Variants in TRPM3 observed in about 807,000 individuals in gnomAD.
TRPM3 encodes transient receptor potential cation channel subfamily M member 3, also known as long transient receptor potential channel 3.
In TRPM3, 77 loss-of-function variants were observed where a neutral mutation model predicts 181.2. The ratio of observed to expected loss-of-function variants is 0.42; its 90% CI spans 0.35 to 0.51. The LOEUF is 0.51. Ranked by LOEUF, TRPM3 falls within the 20% of genes least tolerant of loss-of-function variation. The pLI is 0.01. For missense variants in TRPM3, 1,759 were observed against 2,196.7 expected (o/e 0.80, Z 3.98); for synonymous variants, 745 against 796.4 (o/e 0.94, Z 1.09).
chr9:71,334,559 C>T (rs2090428959), intron 1 of TRPM3, among the ~76,000 whole-genome samples: 1 of 147,712 alleles, frequency 6.8e-6, no homozygotes, highest in South Asian at 2.1e-4. Flanking sequence ...AACATTTCAT[C>T]TATCATTTCT....
chr9:70,697,506 T>C (rs1181716886), intron 8 of TRPM3, among the ~76,000 whole-genome samples: 1 of 152,204 alleles, frequency 6.6e-6, no homozygotes, highest in Admixed American at 6.5e-5. Context: ...ATTATGCCCA[T>C]TGCACAAGTC....
intron 22 of TRPM3, among the ~76,000 whole-genome samples, chr9:70,578,060 A>G (rs928010451): frequency 1.2e-4 from 18 of 152,224 alleles, no homozygotes; most frequent in African/African-American, 3.4e-4. Flanking sequence ...AAGCTAGCCC[A>G]TCAACTCAGG....
Position 70,639,113 on chromosome 9 carries a change from C to T in TRPM3, c.1528G>A (p.Val510Ile). 2 of 1,614,016 alleles carry T rather than the reference C, an allele frequency of 1.2e-6. No homozygotes were observed. The highest frequency in any genetic ancestry group is 1.7e-6 in the Non-Finnish European group (2 of 1,179,920). The change falls in exon 11 of 26, where the codon GTA becomes ATA. Residue 510 changes from valine (V) to isoleucine (I), a missense_variant. Physicochemically the swap from Val to Ile is conservative, Grantham distance 29. Around this residue, in one of 8 missense-constraint regions of TRPM3, gnomAD observed 737 missense variants for 957.4 expected, o/e 0.77. Transcript: ENST00000677713. ...ATGGTGAGAAAACGGTGCATGCTTA[C>T]TCCATTCTCTATGAGTAATTTCACA... The part of the protein sequence containing the change: ...DFVKLLIENG[V>I]SMHRFLTISR...
chr9:71,293,763 T>C (rs1280832878), intron 1 of TRPM3, among the ~76,000 whole-genome samples: 1 of 151,966 alleles, frequency 6.6e-6, no homozygotes, highest in Non-Finnish European at 1.5e-5. Flanking sequence ...TAAGGATATC[T>C]TGAAAATATA....
chr9:70,830,191 T>A (rs2093805611), intron 5 of TRPM3, among the ~76,000 whole-genome samples: 1 of 152,224 alleles, frequency 6.6e-6, no homozygotes, highest in Admixed American at 6.5e-5. Context: ...CCATGTTTTT[T>A]AATTCCTATG....
intron 1 of TRPM3, among the ~76,000 whole-genome samples, chr9:71,283,735 C>T (rs540838553): frequency 6.6e-6 from 1 of 152,342 alleles, no homozygotes; most frequent in Admixed American, 6.5e-5. Flanking sequence ...AATATTTCTT[C>T]AAGATTCTGC....
At chr9:71,371,726 T>C (rs2092520035) in intron 1 of TRPM3, among the ~76,000 whole-genome samples, 1 of 152,216 alleles carries the variant, frequency 6.6e-6, no homozygotes. Flanking sequence ...TTGACTGATT[T>C]TGAAAGTTCT....
intron 1 of TRPM3, among the ~76,000 whole-genome samples, chr9:71,046,335 G>A (rs781564067): frequency 5.9e-5 from 9 of 152,114 alleles, no homozygotes; most frequent in Non-Finnish European, 1.2e-4. Flanking sequence ...AGCATTCTGT[G>A]AGAATAACAT....
intron 6 of TRPM3, among the ~76,000 whole-genome samples, chr9:70,819,537 T>C (rs1183171175): frequency 6.6e-6 from 1 of 152,160 alleles, no homozygotes; most frequent in Non-Finnish European, 1.5e-5. Context: ...TGTCAGATAT[T>C]ACTATAGGGT....
chr9:70,690,337 T>C (rs2068147982), intron 8 of TRPM3, among the ~76,000 whole-genome samples: 1 of 152,172 alleles, frequency 6.6e-6, no homozygotes, highest in Non-Finnish European at 1.5e-5. Flanking sequence ...ACAGTCTGCC[T>C]ATAATCATGT....
intron 8 of TRPM3, among the ~76,000 whole-genome samples, chr9:70,698,053 C>CA (rs1233636617): frequency 6.6e-6 from 1 of 151,890 alleles, no homozygotes; most frequent in African/African-American, 2.4e-5. Context: ...ACTAAAAATA[C>CA]AAAAATTAGC....
chr9:71,145,563 T>G (rs898042351), intron 1 of TRPM3, among the ~76,000 whole-genome samples: 1 of 152,248 alleles, frequency 6.6e-6, no homozygotes, highest in South Asian at 2.1e-4. Flanking sequence ...GAAAAGGAAA[T>G]GCAGATAATA....
rs573340611 is a variant in TRPM3, at chr9:71,153,695, C to A, written c.184-289184G>T. On this transcript the variant is annotated intron_variant, in intron 1 of 24. Transcript: ENST00000357533. ...ATTTTGCAGCTGAGTCAAAGAGGGTCAGGATCGTTCTGTCACTTATCCTAA... is the reference window on the plus strand; with the variant it reads ...ATTTTGCAGCTGAGTCAAAGAGGGTAAGGATCGTTCTGTCACTTATCCTAA... 8.3e-4 allele frequency among the ~76,000 whole-genome samples: 126 copies of A among 152,184 alleles called. 1 individual carries two copies. The highest frequency in any genetic ancestry group is 3.0e-3 in the African/African-American group (123 of 41,538).
chr9:70,862,877 T>A (rs1337092166), intron 3 of TRPM3, 31 bp downstream of exon 3: 2 of 1,608,414 alleles, frequency 1.2e-6, no homozygotes. Flanking sequence ...TGAGATAGCA[T>A]TTGGGAGCAA....
At chr9:71,371,178 A>G (rs907338379) in intron 1 of TRPM3, among the ~76,000 whole-genome samples, 3 of 152,328 alleles carry the variant, frequency 2.0e-5, no homozygotes, top group East Asian at 1.9e-4. Context: ...GCCTGCTGAC[A>G]CAACATACAT....
intron 1 of TRPM3, among the ~76,000 whole-genome samples, chr9:71,016,020 C>T (rs574146994): frequency 6.6e-6 from 1 of 151,726 alleles, no homozygotes; most frequent in South Asian, 2.1e-4. Context: ...CATGGTGAAA[C>T]CCCATCTCTA....
chr9:70,950,229 C>T (rs1411837743), intron 1 of TRPM3, among the ~76,000 whole-genome samples: 1 of 152,092 alleles, frequency 6.6e-6, no homozygotes, highest in Non-Finnish European at 1.5e-5. Context: ...TTAGGTAATA[C>T]CACAACAGAG....
chr9:70,765,659 C>T (rs1473021933), intron 7 of TRPM3, among the ~76,000 whole-genome samples: 1 of 152,138 alleles, frequency 6.6e-6, no homozygotes, highest in African/African-American at 2.4e-5. Flanking sequence ...ATTTGCTCTG[C>T]TGAACTAGAT....
chr9:70,949,033 T>TCA (rs1564825306), intron 1 of TRPM3, among the ~76,000 whole-genome samples: 1 of 152,092 alleles, frequency 6.6e-6, no homozygotes, highest in East Asian at 1.9e-4. Flanking sequence ...ATGTATGTAT[T>TCA]CATTCAATTA....
Sources: gnomAD v4.1 joint callset for allele counts (sites outside exome capture counted in the v4.1 genomes callset) on GRCh38, gnomAD v4.1.1 for gene constraint, gnomAD v4.1.1 regional missense constraint, MANE v1.5 for transcripts, NCBI Gene and HGNC (gene_info 2026-07-23, HGNC 2026-07-21) for gene names.